RORA: variants seen among roughly 807,000 people sequenced by gnomAD.
RORA encodes RAR related orphan receptor A, also known as nuclear receptor ROR-alpha.
RORA carries 7 observed loss-of-function variants against 69.5 expected under a neutral mutation model. The observed-to-expected ratio is 0.10, with a 90% CI of 0.06 to 0.19. RORA has a LOEUF of 0.19. Among genes scored for constraint, RORA ranks in the 10% least tolerant of loss-of-function variants. RORA has a pLI of 1.00. For synonymous variants in RORA, 261 were observed against 240.8 expected (o/e 1.08, Z -0.78); for missense variants, 457 against 663.0 (o/e 0.69, Z 3.41).
chr15:61,170,567 C>T (rs757893191), intron 1 of RORA, among the ~76,000 whole-genome samples: 2 of 152,196 alleles, frequency 1.3e-5, no homozygotes, highest in Non-Finnish European at 2.9e-5. Flanking sequence ...AACAGATTGC[C>T]AGGCTCTAGG....
At chr15:61,059,982 GGAAGAGGAAGAAGAA>G (rs761731548) in intron 1 of RORA, among the ~76,000 whole-genome samples, 806 of 77,276 alleles carry the variant, frequency 0.01, 1 homozygote, top group Non-Finnish European at 0.015. Flanking sequence ...AAGAGGAAGA[GGAAGAGGAAGAAGAA>G]GAAGAAGAAG....
intron 1 of RORA, among the ~76,000 whole-genome samples, chr15:61,077,403 C>T (rs752388043): frequency 1.2e-4 from 19 of 152,160 alleles, no homozygotes; most frequent in Non-Finnish European, 2.5e-4. Context: ...TTGAAAGACA[C>T]GTCCAGATAA....
At chr15:60,575,234 G>A (rs139457197) in intron 2 of RORA, among the ~76,000 whole-genome samples, 2 of 152,166 alleles carry the variant, frequency 1.3e-5, no homozygotes, top group East Asian at 1.9e-4. Flanking sequence ...TCACCACATC[G>A]TCTGATTCAC....
At chr15:60,615,969 G>C (rs1316339953) in intron 2 of RORA, among the ~76,000 whole-genome samples, 1 of 152,156 alleles carries the variant, frequency 6.6e-6, no homozygotes, top group East Asian at 1.9e-4. Flanking sequence ...TGTCTCATTT[G>C]GGGGGTGCTG....
chr15:60,538,254 G>A (rs1209416853), intron 2 of RORA, among the ~76,000 whole-genome samples: 2 of 152,160 alleles, frequency 1.3e-5, no homozygotes, highest in Non-Finnish European at 2.9e-5. Context: ...CTAAGAGGTG[G>A]AGTTGGCCCT....
chr15:61,101,107 C>T (rs1416684339), intron 1 of RORA, among the ~76,000 whole-genome samples: 1 of 152,214 alleles, frequency 6.6e-6, no homozygotes, highest in Admixed American at 6.5e-5. Flanking sequence ...TGAAATTCTT[C>T]TCCATGAAAG....
intron 1 of RORA, among the ~76,000 whole-genome samples, chr15:61,022,341 A>G (rs1314345454): frequency 1.3e-5 from 2 of 152,208 alleles, no homozygotes; most frequent in Non-Finnish European, 2.9e-5. Flanking sequence ...AATTTGTGGG[A>G]AAAAATGTAT....
chr15:60,931,750 G>T (rs1892379518), intron 1 of RORA, among the ~76,000 whole-genome samples: 1 of 152,194 alleles, frequency 6.6e-6, no homozygotes, highest in African/African-American at 2.4e-5. Flanking sequence ...ACATGGTCTG[G>T]CAAAAACCTC....
intron 1 of RORA, among the ~76,000 whole-genome samples, chr15:60,792,926 C>G (rs1567193157): frequency 6.6e-6 from 1 of 151,898 alleles, no homozygotes; most frequent in Admixed American, 6.6e-5. Context: ...ATACTTTGCC[C>G]TATAGTAAAT....
chr15:60,682,803 A>C (rs1596122300), intron 1 of RORA, among the ~76,000 whole-genome samples: 2 of 152,324 alleles, frequency 1.3e-5, no homozygotes, highest in East Asian at 3.9e-4. Flanking sequence ...ATCCTTCCCC[A>C]GAGATTCACA....
In RORA at chr15:60,703,126, A is replaced by AACACACACAC. The variant is rs33962963; in HGVS notation, c.167-24450_167-24441dup. ...GAGCAAGGAGACGATGCTTCAGATT[A>AACACACACAC]ACACACACACACACACACACACACA... On this transcript the variant is annotated intron_variant, in intron 1 of 10. Coordinates refer to ENST00000335670, the MANE Select transcript of RORA (RefSeq NM_134261.3). Among the ~76,000 whole-genome samples, 242 of 145,572 alleles carry AACACACACAC rather than the reference A, an allele frequency of 1.7e-3. 1 individual carries two copies. Among genetic ancestry groups the AACACACACAC allele is most frequent in the East Asian group, 0.011 (54 of 4,906 alleles).
At chr15:60,988,333 T>C (rs1894272235) in intron 1 of RORA, among the ~76,000 whole-genome samples, 1 of 152,140 alleles carries the variant, frequency 6.6e-6, no homozygotes, top group Non-Finnish European at 1.5e-5. Flanking sequence ...GTAGCTACAA[T>C]CAGTCATAGC....
intron 6 of RORA, among the ~76,000 whole-genome samples, chr15:60,504,829 T>TA (rs1479184804): frequency 6.6e-6 from 1 of 152,160 alleles, no homozygotes; most frequent in African/African-American, 2.4e-5. Context: ...TCCCCAATCT[T>TA]AGTTTCAGAC....
chr15:60,779,894 G>T (rs970576031), intron 1 of RORA, among the ~76,000 whole-genome samples: 67 of 152,296 alleles, frequency 4.4e-4, no homozygotes, highest in African/African-American at 1.5e-3. Flanking sequence ...GCCTCAACTC[G>T]AAGGGTGGAG....
chr15:60,717,796 C>CTT (rs10653856), intron 1 of RORA, among the ~76,000 whole-genome samples: 25,806 of 92,040 alleles, frequency 0.28, 4,253 homozygotes, highest in East Asian at 0.68. Flanking sequence ...TTCTTTTTCT[C>CTT]TTTTTTTTTT....
chr15:60,595,014 G>A (rs1472789845), intron 2 of RORA, among the ~76,000 whole-genome samples: 1 of 143,468 alleles, frequency 7.0e-6, no homozygotes, highest in African/African-American at 2.7e-5. Flanking sequence ...AGCTCTTTGA[G>A]AGTAAAAACT....
At chr15:60,955,992 T>G (rs896178874) in intron 1 of RORA, among the ~76,000 whole-genome samples, 6 of 152,226 alleles carry the variant, frequency 3.9e-5, no homozygotes, top group African/African-American at 1.4e-4. Flanking sequence ...ATGAACAACA[T>G]TGTAATCGCT....
At chr15:61,025,214 C>A (rs910672181) in intron 1 of RORA, among the ~76,000 whole-genome samples, 1 of 152,166 alleles carries the variant, frequency 6.6e-6, no homozygotes, top group South Asian at 2.1e-4. Context: ...TAGCACTGTA[C>A]ACTGGGACAT....
intron 1 of RORA, among the ~76,000 whole-genome samples, chr15:61,148,306 G>A (rs2079368651): frequency 6.6e-6 from 1 of 152,190 alleles, no homozygotes; most frequent in Non-Finnish European, 1.5e-5. Context: ...ACACAGCTTT[G>A]TTTCAGTTGG....
Sources: gnomAD v4.1 joint callset for allele counts (sites outside exome capture counted in the v4.1 genomes callset) on GRCh38, gnomAD v4.1.1 for gene constraint, MANE v1.5 for transcripts, NCBI Gene and HGNC (gene_info 2026-07-23, HGNC 2026-07-21) for gene names.